PTPRM: variants seen among roughly 807,000 people sequenced by gnomAD.
PTPRM encodes receptor-type tyrosine-protein phosphatase mu.
PTPRM carries 47 observed loss-of-function variants against 186.7 expected under a neutral mutation model. The observed-to-expected ratio is 0.25, with a 90% confidence interval of 0.20 to 0.32. PTPRM has a LOEUF of 0.32. Among genes scored for constraint, PTPRM ranks in the 10% least tolerant of loss-of-function variants. The probability of loss-of-function intolerance (pLI) is 1.00; values close to 1 mark genes in which losing one functional copy is unlikely to be tolerated. For missense variants in PTPRM, 1,494 were observed against 1,865.0 expected, an observed-to-expected ratio of 0.80 and a Z score of 3.66; for synonymous variants, 668 against 674.9, an observed-to-expected ratio of 0.99 and a Z score of 0.16.
intron 11 of PTPRM, among the ~76,000 whole-genome samples, chr18:8,107,061 C>T (rs1457169110): frequency 6.6e-6 from 1 of 152,172 alleles, no homozygotes; most frequent in East Asian, 1.9e-4. Flanking sequence ...TATTCTCTTT[C>T]TATTTTTATT....
chr18:8,017,689 G>A (rs2147931591), intron 7 of PTPRM: 1 of 151,978 alleles, frequency 6.6e-6, no homozygotes, highest in African/African-American at 2.4e-5. Context: ...GCTTTGGAGT[G>A]AGGAAAACAA....
At chr18:8,128,513 A>G (rs2092427339) in intron 13 of PTPRM, among the ~76,000 whole-genome samples, 1 of 152,204 alleles carries the variant, frequency 6.6e-6, no homozygotes, top group African/African-American at 2.4e-5. Context: ...TCTTTCTGCA[A>G]TACCAGCTGA....
At chr18:8,170,556 C>T (rs2093384767) in intron 14 of PTPRM, among the ~76,000 whole-genome samples, 1 of 150,010 alleles carries the variant, frequency 6.7e-6, no homozygotes, top group African/African-American at 2.4e-5. Context: ...TATAGGTAAT[C>T]TCTTTGGGGC....
At chr18:8,210,967 C>G (rs894803929) in intron 14 of PTPRM, among the ~76,000 whole-genome samples, 1 of 152,202 alleles carries the variant, frequency 6.6e-6, no homozygotes, top group Non-Finnish European at 1.5e-5. Context: ...TGACTAAATG[C>G]TACTGGCACA....
At chr18:7,725,766 C>G (rs1446587647) in intron 1 of PTPRM, among the ~76,000 whole-genome samples, 2 of 152,142 alleles carry the variant, frequency 1.3e-5, no homozygotes, top group Non-Finnish European at 2.9e-5. Flanking sequence ...CCCCTTCGCG[C>G]TGAGAGCCAC....
At chr18:7,975,393 C>T (rs1176045095) in intron 7 of PTPRM, among the ~76,000 whole-genome samples, 2 of 152,132 alleles carry the variant, frequency 1.3e-5, no homozygotes, top group Non-Finnish European at 2.9e-5. Context: ...ACTGGATAAA[C>T]TATGGTACAT....
chr18:8,314,691 C>A, intron 20 of PTPRM, 90 bp from the exon 21 acceptor site: 1 of 802,868 alleles, frequency 1.2e-6, no homozygotes. Context: ...TGTGGGTGAT[C>A]TCTATGTAAT....
In PTPRM at chr18:8,387,145, C is replaced by T. The variant is rs200406943; in HGVS notation, c.4118C>T (p.Ser1373Phe). 2 of 1,612,534 alleles carry T rather than the reference C, an allele frequency of 1.2e-6. No homozygotes were observed. Among genetic ancestry groups the T allele is most frequent in the African/African-American group, 2.7e-5 (2 of 75,036 alleles). Reference protein sequence around the residue: ...GWPMYRDTPVSKRSFLKLIRQ... With the variant: ...GWPMYRDTPVFKRSFLKLIRQ... ...CCGATGTACAGGGACACACCAGTGT[C>T]TAAGCGCTCCTTCTTGAAGCTCATT... Residue 1373 changes from serine to phenylalanine, a missense_variant, in exon 31 of 33, where the codon TCT (serine) becomes TTT (phenylalanine). Coordinates refer to ENST00000580170, the MANE Select transcript of PTPRM (RefSeq NM_001105244.2).
intron 22 of PTPRM, among the ~76,000 whole-genome samples, chr18:8,327,380 A>C (rs2095383978): frequency 6.6e-6 from 1 of 152,248 alleles, no homozygotes; most frequent in African/African-American, 2.4e-5. Flanking sequence ...AGGCAGGGGC[A>C]TTCTGTGTGA....
chr18:7,940,751 A>G (rs2052119339), intron 5 of PTPRM, among the ~76,000 whole-genome samples: 1 of 151,884 alleles, frequency 6.6e-6, no homozygotes, highest in Admixed American at 6.6e-5. Context: ...TTCCATATCT[A>G]ATTTGGTAGC....
At chr18:8,258,871 A>G (rs539991926) in intron 19 of PTPRM, among the ~76,000 whole-genome samples, 3 of 152,284 alleles carry the variant, frequency 2.0e-5, no homozygotes, top group Admixed American at 1.3e-4. Flanking sequence ...TTCTTCAAAA[A>G]AAAAAAAGTG....
chr18:8,193,015 A>G (rs955509267), intron 14 of PTPRM, among the ~76,000 whole-genome samples: 1 of 149,544 alleles, frequency 6.7e-6, no homozygotes, highest in Non-Finnish European at 1.5e-5. Flanking sequence ...AGTTGGATAT[A>G]TTGAATGTAG....
At chr18:7,575,358 A>G (rs1455185550) in intron 1 of PTPRM, among the ~76,000 whole-genome samples, 1 of 152,200 alleles carries the variant, frequency 6.6e-6, no homozygotes, top group Non-Finnish European at 1.5e-5. Flanking sequence ...AGCCCCATCC[A>G]TAGATGGCTT....
chr18:8,044,769 A>G (rs1231714333), intron 7 of PTPRM, among the ~76,000 whole-genome samples: 5 of 151,560 alleles, frequency 3.3e-5, no homozygotes, highest in Admixed American at 2.6e-4. Context: ...AAAAAAAAAA[A>G]AAAAGAAAAA....
At chr18:7,848,155 CTG>C (rs2046690514) in intron 2 of PTPRM, among the ~76,000 whole-genome samples, 1 of 152,172 alleles carries the variant, frequency 6.6e-6, no homozygotes, top group African/African-American at 2.4e-5. Context: ...CCCCACCAGA[CTG>C]TGTATCCTTG....
At chr18:8,396,384 T>G (rs1417452430) in intron 32 of PTPRM, among the ~76,000 whole-genome samples, 1 of 152,152 alleles carries the variant, frequency 6.6e-6, no homozygotes, top group Non-Finnish European at 1.5e-5. Flanking sequence ...AAATGTCACT[T>G]CCCTCTCACT....
At chr18:7,991,374 A>G (rs763556126) in intron 7 of PTPRM, among the ~76,000 whole-genome samples, 2 of 152,134 alleles carry the variant, frequency 1.3e-5, no homozygotes, top group Non-Finnish European at 2.9e-5. Context: ...AAAATGGCTT[A>G]TGACTATAAA....
At chr18:7,966,245 A>G (rs1021307908) in intron 7 of PTPRM, among the ~76,000 whole-genome samples, 2 of 152,244 alleles carry the variant, frequency 1.3e-5, no homozygotes, top group African/African-American at 4.8e-5. Context: ...TTATTAAAAT[A>G]GAAAAGATAA....
chr18:8,323,989 T>C (rs2095361146), intron 22 of PTPRM, among the ~76,000 whole-genome samples: 1 of 152,160 alleles, frequency 6.6e-6, no homozygotes, highest in Admixed American at 6.6e-5. Flanking sequence ...CCTCAGGTTA[T>C]GAACTTTACT....
Sources: gnomAD v4.1 joint callset for allele counts (sites outside exome capture counted in the v4.1 genomes callset) on GRCh38, gnomAD v4.1.1 for gene constraint, MANE v1.5 for transcripts, NCBI Gene and HGNC (gene_info 2026-07-23, HGNC 2026-07-21) for gene names.